Variants in FILIP1L observed in about 807,000 individuals in gnomAD.
The protein encoded by FILIP1L is filamin A interacting protein 1 like.
In FILIP1L, 55 loss-of-function variants were observed where a neutral mutation model predicts 96.6. That is an observed-to-expected ratio of 0.57 (90% confidence interval 0.46 to 0.71). FILIP1L has a LOEUF of 0.71. Ranked by LOEUF, FILIP1L falls within the 30% of genes least tolerant of loss-of-function variation. FILIP1L has a pLI of 0.00. For missense variants in FILIP1L, 1,304 were observed against 1,321.2 expected (o/e 0.99, Z 0.20); for synonymous variants, 467 against 473.9 (o/e 0.99, Z 0.19).
intron 1 of FILIP1L, among the ~76,000 whole-genome samples, chr3:100,105,648 G>A (rs1347162095): frequency 6.6e-6 from 1 of 152,134 alleles, no homozygotes; most frequent in Non-Finnish European, 1.5e-5. Context: ...CTGAGGGAAG[G>A]TCATTAATTC....
chr3:99,884,218 C>T (rs1194671363), intron 4 of FILIP1L, among the ~76,000 whole-genome samples: 1 of 152,172 alleles, frequency 6.6e-6, no homozygotes, highest in African/African-American at 2.4e-5. Flanking sequence ...TAAAATGTTT[C>T]TGCTTCATAT....
chr3:100,029,598 CTAAA>C (rs1268091225), intron 1 of FILIP1L, among the ~76,000 whole-genome samples: 1 of 152,118 alleles, frequency 6.6e-6, no homozygotes, highest in Admixed American at 6.6e-5. Flanking sequence ...TTATTCCAGC[CTAAA>C]TAGTCTAATC....
chr3:100,111,473 C>G (rs2107477842), intron 1 of FILIP1L, among the ~76,000 whole-genome samples: 1 of 152,234 alleles, frequency 6.6e-6, no homozygotes, highest in African/African-American at 2.4e-5. Flanking sequence ...TACATAGGGT[C>G]AAGTGCGTAA....
chr3:99,886,186 A>C (rs1485448315), intron 4 of FILIP1L, among the ~76,000 whole-genome samples: 1 of 152,170 alleles, frequency 6.6e-6, no homozygotes, highest in African/African-American at 2.4e-5. Flanking sequence ...AGAGGTATTC[A>C]GCAACTATTT....
At chr3:100,006,655 CAA>C (rs201648197) in intron 1 of FILIP1L, among the ~76,000 whole-genome samples, 1 of 133,988 alleles carries the variant, frequency 7.5e-6, no homozygotes. Flanking sequence ...CTTTTCTTTC[CAA>C]AAAAAAAAAA....
intron 4 of FILIP1L, among the ~76,000 whole-genome samples, chr3:99,868,187 G>A (rs1944614116): frequency 6.6e-6 from 1 of 152,154 alleles, no homozygotes; most frequent in African/African-American, 2.4e-5. Context: ...TACTTCAGAT[G>A]AGTAAGACAT....
Position 100,112,142 on chromosome 3 carries a change from G to T in FILIP1L, c.-11+1911C>A, listed in dbSNP as rs548544093. Among the ~76,000 whole-genome samples the T allele has an allele frequency of 8.5e-4, 129 of 152,280 alleles. 1 individual carries two copies. The highest frequency in any genetic ancestry group is 3.0e-3 in the African/African-American group (123 of 41,556). On this transcript the variant is annotated intron_variant, in intron 1 of 5. Coordinates refer to ENST00000477258, the MANE Select transcript of FILIP1L (RefSeq NM_001387850.1). ...CCTAATATAACTAAACAAACTTACT[G>T]TGTATTGCTGGTAGGCACTAGTTCT... is the stretch of plus-strand genomic sequence containing the variant.
chr3:100,012,381 G>A (rs1710183094), intron 1 of FILIP1L, among the ~76,000 whole-genome samples: 1 of 152,056 alleles, frequency 6.6e-6, no homozygotes, highest in South Asian at 2.1e-4. Context: ...ATCATTAAAA[G>A]CCCAAAACGA....
intron 1 of FILIP1L, among the ~76,000 whole-genome samples, chr3:99,936,462 A>G (rs113581466): frequency 8.6e-6 from 1 of 116,000 alleles, no homozygotes; most frequent in African/African-American, 3.5e-5. Context: ...TGCAACCTCC[A>G]CCTCCTGGGT....
chr3:100,101,457 A>G (rs1410288983), intron 1 of FILIP1L, among the ~76,000 whole-genome samples: 1 of 152,152 alleles, frequency 6.6e-6, no homozygotes, highest in African/African-American at 2.4e-5. Flanking sequence ...GCAAAGAAAA[A>G]TGCAGAGAGG....
At chr3:99,900,815 C>T (rs559083377) in intron 4 of FILIP1L, among the ~76,000 whole-genome samples, 3 of 152,226 alleles carry the variant, frequency 2.0e-5, no homozygotes, top group Admixed American at 2.0e-4. Flanking sequence ...TTGATGTGCC[C>T]CGGTTATCAG....
chr3:99,851,855 A>G (rs1443734290), intron 4 of FILIP1L, among the ~76,000 whole-genome samples: 1 of 152,218 alleles, frequency 6.6e-6, no homozygotes, highest in African/African-American at 2.4e-5. Flanking sequence ...CTCATAGTGG[A>G]TAGCAATTAA....
rs562590265 is a variant in FILIP1L at position 99,928,914 on chromosome 3, C to T, written c.426+942G>A. Among the ~76,000 whole-genome samples the T allele has an allele frequency of 2.2e-4, 34 of 152,312 alleles. No individual in the cohort carries two copies. In the South Asian group the frequency reaches 6.8e-3, roughly 31 times the overall value. On this transcript the variant is annotated intron_variant, in intron 3 of 5. Transcript: ENST00000477258. ...TCCTCACCCCGTAGAGAAGCAGATA[C>T]ATATGACCAAACTCCTTCACTATTT...
At chr3:99,845,333 G>T (rs1943314701) in intron 5 of FILIP1L, among the ~76,000 whole-genome samples, 2 of 152,110 alleles carry the variant, frequency 1.3e-5, no homozygotes, top group Admixed American at 1.3e-4. Flanking sequence ...ACCTTTTAAA[G>T]AGTTAAAGAG....
intron 3 of FILIP1L, among the ~76,000 whole-genome samples, chr3:99,926,707 T>C (rs970884984): frequency 4.6e-5 from 7 of 152,232 alleles, no homozygotes; most frequent in African/African-American, 1.7e-4. Context: ...CAGTATTTCC[T>C]TGGAGAGCTT....
chr3:99,961,108 A>G (rs1006557845), intron 1 of FILIP1L, among the ~76,000 whole-genome samples: 2 of 152,198 alleles, frequency 1.3e-5, no homozygotes, highest in African/African-American at 4.8e-5. Context: ...GTAACCTTGG[A>G]AAATGCAATA....
intron 4 of FILIP1L, chr3:99,875,996 G>GC: frequency 1.1e-6 from 1 of 933,200 alleles, no homozygotes; most frequent in Non-Finnish European, 1.3e-6. Flanking sequence ...AGCTTTAACA[G>GC]CCACCCACAG....
intron 1 of FILIP1L, among the ~76,000 whole-genome samples, chr3:99,965,038 TTA>T (rs1708607492): frequency 6.6e-6 from 1 of 152,222 alleles, no homozygotes; most frequent in African/African-American, 2.4e-5. Context: ...TGTAAATAAA[TTA>T]TGATACCTTA....
chr3:99,969,212 G>T lies in FILIP1L; in HGVS notation c.-10-38182C>A, dbSNP rs1280976730. Among the ~76,000 whole-genome samples the T allele has an allele frequency of 2.6e-5, 4 of 152,068 alleles. No homozygotes were observed. The East Asian group carries it at 5.8e-4, about 22-fold the overall frequency. On this transcript the variant is annotated intron_variant, in intron 1 of 5. Transcript: ENST00000477258. ...GACAGGTCCAGGCATATCTAAGAAG[G>T]GGAGGGGAACAATATTGGGATAATG...
Sources: allele counts gnomAD v4.1 joint callset (sites outside exome capture counted in the v4.1 genomes callset), GRCh38; gene constraint gnomAD v4.1.1; transcripts MANE v1.5; gene names NCBI Gene and HGNC (gene_info 2026-07-23, HGNC 2026-07-21).